Variants in KCNIP1 observed in about 807,000 individuals in gnomAD.
The protein encoded by KCNIP1 is A-type potassium channel modulatory protein KCNIP1.
Under a neutral mutation model 33.0 loss-of-function variants are expected in KCNIP1, and 18 were observed. The observed-to-expected ratio is 0.55, with a 90% CI of 0.38 to 0.81. The LOEUF (loss-of-function observed/expected upper bound fraction) is 0.81, where lower values mean the gene tolerates loss of function less well. KCNIP1 is among the 30% of genes least tolerant of loss of function. KCNIP1 has a pLI of 0.00. For missense variants in KCNIP1, 238 were observed against 271.6 expected (o/e 0.88, Z 0.87); for synonymous variants, 93 against 98.3 (o/e 0.95, Z 0.32).
chr5:170,514,347 A>G (rs900809469), intron 1 of KCNIP1, among the ~76,000 whole-genome samples: 1 of 152,206 alleles, frequency 6.6e-6, no homozygotes, highest in Admixed American at 6.5e-5. Flanking sequence ...TGACTCTCCC[A>G]GATGTCCAAA....
chr5:170,612,563 G>A (rs557420281), intron 1 of KCNIP1, among the ~76,000 whole-genome samples: 2 of 152,290 alleles, frequency 1.3e-5, no homozygotes, highest in South Asian at 2.1e-4. Flanking sequence ...TTCCCAGGGT[G>A]AGCCAGAGGT....
chr5:170,507,454 TCCAGAGTAAGG>T (rs1398604546), intron 1 of KCNIP1, among the ~76,000 whole-genome samples: 1 of 152,216 alleles, frequency 6.6e-6, no homozygotes, highest in East Asian at 1.9e-4. Context: ...CTTCCAAATG[TCCAGAGTAAGG>T]CCATTTTCGA....
At chr5:170,574,167 G>A (rs1319962964) in intron 1 of KCNIP1, among the ~76,000 whole-genome samples, 3 of 152,210 alleles carry the variant, frequency 2.0e-5, no homozygotes, top group African/African-American at 7.2e-5. Flanking sequence ...TCACATTATT[G>A]TCTACAGGTT....
At chr5:170,692,771 G>A (rs961558037) in intron 1 of KCNIP1, among the ~76,000 whole-genome samples, 2 of 152,176 alleles carry the variant, frequency 1.3e-5, no homozygotes, top group Admixed American at 6.5e-5. Context: ...TGAATATGGG[G>A]AGCATGGATA....
chr5:170,583,711 G>C (rs1029683302), intron 1 of KCNIP1, among the ~76,000 whole-genome samples: 1 of 152,150 alleles, frequency 6.6e-6, no homozygotes, highest in African/African-American at 2.4e-5. Flanking sequence ...ACCCACCCCC[G>C]AGGCAATGAA....
chr5:170,521,979 A>G (rs555429901), intron 1 of KCNIP1, among the ~76,000 whole-genome samples: 1 of 152,356 alleles, frequency 6.6e-6, no homozygotes, highest in Non-Finnish European at 1.5e-5. Context: ...AGGGGAGCAG[A>G]AAATGTGGTC....
chr5:170,557,661 G>A (rs1756886651), intron 1 of KCNIP1, among the ~76,000 whole-genome samples: 1 of 152,204 alleles, frequency 6.6e-6, no homozygotes, highest in Non-Finnish European at 1.5e-5. Flanking sequence ...CATCAGGGAA[G>A]AGCATTTCTA....
intron 1 of KCNIP1, among the ~76,000 whole-genome samples, chr5:170,421,245 T>C (rs1389262246): frequency 6.6e-6 from 1 of 152,188 alleles, no homozygotes; most frequent in African/African-American, 2.4e-5. Flanking sequence ...CAAAAGGATT[T>C]AGCAGAAAAT....
intron 1 of KCNIP1, among the ~76,000 whole-genome samples, chr5:170,513,867 G>C (rs2113276785): frequency 6.6e-6 from 1 of 152,338 alleles, no homozygotes; most frequent in Non-Finnish European, 1.5e-5. Flanking sequence ...AGGGGGTCTA[G>C]TAGGACCTCT....
chr5:170,449,799 T>A (rs549752199), intron 1 of KCNIP1, among the ~76,000 whole-genome samples: 3 of 151,888 alleles, frequency 2.0e-5, no homozygotes, highest in Non-Finnish European at 4.4e-5. Context: ...CCCACCCTCC[T>A]TTGCAGTTCC....
intron 1 of KCNIP1, among the ~76,000 whole-genome samples, chr5:170,393,609 A>G (rs901166325): frequency 6.6e-6 from 1 of 152,254 alleles, no homozygotes; most frequent in African/African-American, 2.4e-5. Context: ...CAGTAATAAA[A>G]GGCAGAGGAA....
rs1264148576 is a variant in KCNIP1, at chr5:170,504,406, G to C, written c.-167G>C. On this transcript the variant is annotated 5_prime_UTR_variant, in exon 1 of 8. Transcript: ENST00000328939. This position sits in a 1 kb window ranked among gnomAD's most constrained non-coding sequence, Gnocchi z 6.0. ...TGTGCGGGGCTGAAGAAGGAAGCCAGAAGCCTCCTAGCCTCGCCTCCACGC... is the reference window on the plus strand; with the variant it reads ...TGTGCGGGGCTGAAGAAGGAAGCCACAAGCCTCCTAGCCTCGCCTCCACGC... The C allele has an allele frequency of 6.9e-7, 1 of 1,447,372 alleles. No homozygotes were observed. Among genetic ancestry groups the C allele is most frequent in the Non-Finnish European group, 9.0e-7 (1 of 1,106,636 alleles). The allele number at this position is 1,447,372 out of a possible 1,614,324, so 89.7% of individuals were successfully genotyped here.
intron 5 of KCNIP1, among the ~76,000 whole-genome samples, chr5:170,730,173 T>C (rs1332740794): frequency 6.6e-6 from 1 of 152,136 alleles, no homozygotes; most frequent in Non-Finnish European, 1.5e-5. Flanking sequence ...CATGCAAATA[T>C]ATGATACTCT....
At chr5:170,720,980 G>A (rs558760392) in intron 3 of KCNIP1, among the ~76,000 whole-genome samples, 5 of 152,332 alleles carry the variant, frequency 3.3e-5, no homozygotes, top group African/African-American at 4.8e-5. Context: ...TGCCCTGCCC[G>A]ACTCCTGTGG....
At chr5:170,587,817 G>C (rs937827922) in intron 1 of KCNIP1, among the ~76,000 whole-genome samples, 1 of 152,196 alleles carries the variant, frequency 6.6e-6, no homozygotes, top group African/African-American at 2.4e-5. Context: ...ACCATGTAAG[G>C]TAACATATTC....
intron 1 of KCNIP1, among the ~76,000 whole-genome samples, chr5:170,549,425 C>T (rs1756526657): frequency 6.6e-6 from 1 of 152,096 alleles, no homozygotes; most frequent in Non-Finnish European, 1.5e-5. Context: ...GTACATTGTA[C>T]CCAACAGGTA....
At chr5:170,503,748 A>ACGCACAT (rs1754566987), upstream of KCNIP1, among the ~76,000 whole-genome samples, 1 of 140,830 alleles carries the variant, frequency 7.1e-6, no homozygotes, top group Non-Finnish European at 1.6e-5. Context: ...ACACACACAC[A>ACGCACAT]CACACACACA....
intron 1 of KCNIP1, among the ~76,000 whole-genome samples, chr5:170,628,490 G>A (rs1387433012): frequency 6.6e-6 from 1 of 152,178 alleles, no homozygotes; most frequent in Non-Finnish European, 1.5e-5. Context: ...AAGGGCGTGT[G>A]TGTGTGTGTG....
intron 1 of KCNIP1, among the ~76,000 whole-genome samples, chr5:170,573,293 G>T (rs1437493183): frequency 1.3e-5 from 2 of 152,172 alleles, no homozygotes; most frequent in South Asian, 2.1e-4. Context: ...GCGGTCTGGG[G>T]AAATCTGCCC....
Sources: gnomAD v4.1 joint callset for allele counts (sites outside exome capture counted in the v4.1 genomes callset) on GRCh38, gnomAD v4.1.1 for gene constraint, Gnocchi (gnomAD v3.1) non-coding constraint, MANE v1.5 for transcripts, NCBI Gene and HGNC (gene_info 2026-07-23, HGNC 2026-07-21) for gene names.